The following ADAMTSL1 variants were observed in gnomAD, a reference collection of about 807,000 sequenced individuals.
ADAMTSL1 encodes ADAMTS like 1.
ADAMTSL1 carries 126 observed loss-of-function variants against 201.8 expected under a neutral mutation model. The ratio of observed to expected loss-of-function variants is 0.62; its 90% CI spans 0.54 to 0.72. The LOEUF (loss-of-function observed/expected upper bound fraction) is 0.72. Ranked by LOEUF, ADAMTSL1 falls within the 30% of genes least tolerant of loss-of-function variation. ADAMTSL1 has a pLI of 0.00. For missense variants in ADAMTSL1, 2,679 were observed against 2,277.8 expected (o/e 1.18, Z -3.59); for synonymous variants, 1,121 against 903.4 (o/e 1.24, Z -4.32).
At chr9:18,409,539 GTAGAT>G (rs1212525296) in intron 2 of ADAMTSL1, among the ~76,000 whole-genome samples, 1 of 151,442 alleles carries the variant, frequency 6.6e-6, no homozygotes, top group Non-Finnish European at 1.5e-5. Flanking sequence ...AAATTAAGCT[GTAGAT>G]TAATGTTAAA....
chr9:18,157,193 C>G (rs773585030), intron 1 of ADAMTSL1, among the ~76,000 whole-genome samples: 2 of 152,084 alleles, frequency 1.3e-5, no homozygotes, highest in Non-Finnish European at 2.9e-5. Flanking sequence ...ACATTATACA[C>G]AGTGCATGCC....
intron 15 of ADAMTSL1, chr9:18,723,249 A>C: frequency 1.6e-6 from 1 of 618,780 alleles, no homozygotes; most frequent in East Asian, 2.8e-5. Context: ...TTAAACAGCT[A>C]CTCCTGCTGC....
At chr9:18,663,282 A>ACAGG (rs1564130375) in intron 9 of ADAMTSL1, among the ~76,000 whole-genome samples, 1 of 152,186 alleles carries the variant, frequency 6.6e-6, no homozygotes, top group Non-Finnish European at 1.5e-5. Flanking sequence ...ACTCAGAATA[A>ACAGG]CAGGTTTTCA....
At chr9:18,617,937 T>C (rs1395558115) in intron 4 of ADAMTSL1, among the ~76,000 whole-genome samples, 1 of 152,164 alleles carries the variant, frequency 6.6e-6, no homozygotes. Context: ...ACCAAAATAT[T>C]CAGTTTTCCA....
intron 2 of ADAMTSL1, among the ~76,000 whole-genome samples, chr9:18,294,406 A>G (rs559218358): frequency 6.6e-6 from 1 of 152,346 alleles, no homozygotes; most frequent in Admixed American, 6.5e-5. Flanking sequence ...CTGCCCAGCC[A>G]TAGGAGTGAA....
intron 2 of ADAMTSL1, among the ~76,000 whole-genome samples, chr9:18,527,624 C>G (rs534980617): frequency 2.0e-5 from 3 of 152,136 alleles, no homozygotes; most frequent in African/African-American, 4.8e-5. Flanking sequence ...ACTATAACAT[C>G]AGGATTTTAA....
At chr9:18,871,599 C>G (rs991189280) in intron 23 of ADAMTSL1, among the ~76,000 whole-genome samples, 4 of 152,182 alleles carry the variant, frequency 2.6e-5, no homozygotes, top group African/African-American at 4.8e-5. Flanking sequence ...GGGGTTCCAT[C>G]ACAACCTTTA....
intron 15 of ADAMTSL1, among the ~76,000 whole-genome samples, chr9:18,730,585 A>AT (rs112992716): frequency 0.022 from 3,365 of 152,064 alleles, 127 homozygotes; most frequent in African/African-American, 0.076. Context: ...TCTCTTCTTC[A>AT]TTTTATCTAG....
intron 1 of ADAMTSL1, among the ~76,000 whole-genome samples, chr9:17,952,609 T>C (rs1490058889): frequency 6.6e-6 from 1 of 151,462 alleles, no homozygotes; most frequent in Non-Finnish European, 1.5e-5. Flanking sequence ...TTATTTATTT[T>C]TGAGACAGAG....
At chr9:17,990,072 A>T (rs1002105144) in intron 1 of ADAMTSL1, among the ~76,000 whole-genome samples, 5 of 151,902 alleles carry the variant, frequency 3.3e-5, no homozygotes, top group African/African-American at 1.2e-4. Flanking sequence ...TTTAAATAAA[A>T]CCTTTGTGGT....
intron 19 of ADAMTSL1, among the ~76,000 whole-genome samples, chr9:18,793,684 CA>C (rs1226908417): frequency 6.6e-6 from 1 of 152,120 alleles, no homozygotes; most frequent in East Asian, 1.9e-4. Context: ...TCAGGATCCC[CA>C]AAACTGGCTA....
At chr9:17,955,908 G>T (rs919408092) in intron 1 of ADAMTSL1, among the ~76,000 whole-genome samples, 2 of 152,144 alleles carry the variant, frequency 1.3e-5, no homozygotes, top group African/African-American at 4.8e-5. Context: ...TGGGACTGTT[G>T]TGTAATATGT....
chr9:18,796,722 AT>A (rs1822449467), intron 20 of ADAMTSL1: 1 of 152,232 alleles, frequency 6.6e-6, no homozygotes, highest in Admixed American at 6.5e-5. Context: ...GATATTATTA[AT>A]GCCTATTTTT....
At chr9:18,641,148 C>T (rs1827410540) in intron 7 of ADAMTSL1, among the ~76,000 whole-genome samples, 1 of 152,022 alleles carries the variant, frequency 6.6e-6, no homozygotes, top group Non-Finnish European at 1.5e-5. Context: ...GTGCCCTCTA[C>T]CTGGAATGCT....
At chr9:18,262,945 A>G (rs966951957) in intron 2 of ADAMTSL1, among the ~76,000 whole-genome samples, 1 of 152,234 alleles carries the variant, frequency 6.6e-6, no homozygotes, top group Non-Finnish European at 1.5e-5. Context: ...TAACATAAAC[A>G]TCTGATTGAT....
intron 7 of ADAMTSL1, chr9:18,651,535 A>G (rs1828253507): frequency 6.6e-6 from 1 of 152,266 alleles, no homozygotes; most frequent in Admixed American, 6.5e-5. Context: ...TAGCAAACTC[A>G]GAGCTAAGAG....
At chr9:18,285,680 C>G (rs1832965384) in intron 2 of ADAMTSL1, among the ~76,000 whole-genome samples, 1 of 151,864 alleles carries the variant, frequency 6.6e-6, no homozygotes. Context: ...TGTCCCTTTC[C>G]TTTGTTTATA....
chr9:17,963,248 T>C (rs566642951), intron 1 of ADAMTSL1, among the ~76,000 whole-genome samples: 87 of 152,266 alleles, frequency 5.7e-4, no homozygotes, highest in African/African-American at 2.1e-3. Context: ...CTGAATAAAT[T>C]CTATAGTTAA....
chr9:18,770,455 A>G, intron 16 of ADAMTSL1, 147 bp from the exon 17 acceptor site: 1 of 822,146 alleles, frequency 1.2e-6, no homozygotes, highest in Admixed American at 3.0e-5. Flanking sequence ...AGAAGAAACA[A>G]AATCCTTTGG....
Sources: gnomAD v4.1 joint callset for allele counts (sites outside exome capture counted in the v4.1 genomes callset) on GRCh38, gnomAD v4.1.1 for gene constraint, MANE v1.5 for transcripts, NCBI Gene and HGNC (gene_info 2026-07-23, HGNC 2026-07-21) for gene names.